Variants in CPED1 observed in about 807,000 individuals in gnomAD.
CPED1 encodes the protein cadherin-like and PC-esterase domain-containing protein 1.
Under a neutral mutation model 128.2 loss-of-function variants are expected in CPED1, and 114 were observed. The ratio of observed to expected loss-of-function variants is 0.89; its 90% CI spans 0.76 to 1.04. The LOEUF (loss-of-function observed/expected upper bound fraction) is 1.04. Among genes scored for constraint, CPED1 ranks in the 50% least tolerant of loss-of-function variants. CPED1 has a pLI of 0.00. For synonymous variants in CPED1, 462 were observed against 426.7 expected, an observed-to-expected ratio of 1.08 and a Z score of -1.02; for missense variants, 1,211 against 1,207.1, an observed-to-expected ratio of 1.00 and a Z score of -0.05.
intron 4 of CPED1, among the ~76,000 whole-genome samples, chr7:121,061,617 G>A (rs912400349): frequency 6.6e-6 from 1 of 152,108 alleles, no homozygotes; most frequent in Non-Finnish European, 1.5e-5. Context: ...ACCCAAAACA[G>A]CTATAAGAAA....
At chr7:121,022,479 C>G (rs1228712032) in intron 3 of CPED1, among the ~76,000 whole-genome samples, 3 of 151,936 alleles carry the variant, frequency 2.0e-5, no homozygotes. Context: ...TGCCAGGTTA[C>G]TTGACCTATT....
At chr7:121,260,056 A>G (rs1308339246) in intron 18 of CPED1, among the ~76,000 whole-genome samples, 1 of 151,926 alleles carries the variant, frequency 6.6e-6, no homozygotes, top group Non-Finnish European at 1.5e-5. Flanking sequence ...ATAAGGAAAG[A>G]GTGCACCTCA....
intron 3 of CPED1, among the ~76,000 whole-genome samples, chr7:121,022,403 T>C (rs1435979902): frequency 6.6e-6 from 1 of 152,018 alleles, no homozygotes; most frequent in Admixed American, 6.6e-5. Context: ...CTGGGGCTTT[T>C]GAGTACTTGT....
At chr7:121,203,925 A>C (rs1435443986) in intron 16 of CPED1, among the ~76,000 whole-genome samples, 1 of 152,072 alleles carries the variant, frequency 6.6e-6, no homozygotes, top group Non-Finnish European at 1.5e-5. Context: ...TGTCCACGCA[A>C]AGGGCCAAGA....
chr7:121,013,161 T>TAGTTCCCTCTAGAGGGA (rs1303769268), intron 2 of CPED1, among the ~76,000 whole-genome samples: 1 of 152,222 alleles, frequency 6.6e-6, no homozygotes, highest in Non-Finnish European at 1.5e-5. Flanking sequence ...TTTGGCTTTC[T>TAGTTCCCTCTAGAGGGA]ACAGGCTACT....
intron 14 of CPED1, among the ~76,000 whole-genome samples, chr7:121,138,787 C>G (rs148570489): frequency 1.3e-5 from 2 of 152,042 alleles, no homozygotes; most frequent in East Asian, 3.9e-4. Context: ...GCGACTGTTT[C>G]TATTCCCTTT....
chr7:121,272,219 C>G (rs974964269), intron 22 of CPED1, among the ~76,000 whole-genome samples: 1 of 152,076 alleles, frequency 6.6e-6, no homozygotes, highest in Non-Finnish European at 1.5e-5. Context: ...GGAGAGAAGG[C>G]AGGACACTTA....
chr7:121,255,207 C>T (rs10953933), intron 18 of CPED1, among the ~76,000 whole-genome samples: 63,083 of 151,822 alleles, frequency 0.42, 13,552 homozygotes, highest in Middle Eastern at 0.52. Flanking sequence ...AAGATTAATA[C>T]ACTACAACCA....
chr7:121,201,203 G>A (rs2116563968), intron 16 of CPED1, among the ~76,000 whole-genome samples: 2 of 152,098 alleles, frequency 1.3e-5, no homozygotes, highest in African/African-American at 4.8e-5. Flanking sequence ...CCCCAAGAAA[G>A]ACAAAGTTAT....
chr7:120,995,752 G>C (rs1324824572), intron 2 of CPED1, among the ~76,000 whole-genome samples: 1 of 151,996 alleles, frequency 6.6e-6, no homozygotes, highest in African/African-American at 2.4e-5. Context: ...CCTGTACCTT[G>C]CTCCTCACCA....
chr7:121,264,846 A>G (rs1792090802), intron 18 of CPED1, among the ~76,000 whole-genome samples: 1 of 152,094 alleles, frequency 6.6e-6, no homozygotes, highest in South Asian at 2.1e-4. Flanking sequence ...GTCACTATTT[A>G]TTTTAAAAGT....
At chr7:121,148,211 A>C (rs1019612465) in intron 16 of CPED1, among the ~76,000 whole-genome samples, 2 of 152,204 alleles carry the variant, frequency 1.3e-5, no homozygotes, top group African/African-American at 4.8e-5. Flanking sequence ...GCTATAGTGA[A>C]GTGCTCTCAA....
chr7:121,142,220 T>G, intron 16 of CPED1, 79 bp downstream of exon 16: 1 of 1,296,960 alleles, frequency 7.7e-7, no homozygotes, highest in Admixed American at 2.2e-5. Context: ...AAATGAAAAT[T>G]ATTACAAGAA....
chr7:121,159,925 T>G (rs1057188080), intron 16 of CPED1, among the ~76,000 whole-genome samples: 2 of 152,210 alleles, frequency 1.3e-5, no homozygotes, highest in Admixed American at 6.5e-5. Flanking sequence ...AGTTATGATC[T>G]AGGTTACATT....
chr7:121,031,804 A>C (rs2116860771), intron 3 of CPED1, among the ~76,000 whole-genome samples: 1 of 152,352 alleles, frequency 6.6e-6, no homozygotes, highest in African/African-American at 2.4e-5. Flanking sequence ...ATACATTTAA[A>C]ATAATTTTAT....
intron 3 of CPED1, among the ~76,000 whole-genome samples, chr7:121,030,321 C>A (rs1480102504): frequency 1.3e-5 from 2 of 152,200 alleles, no homozygotes; most frequent in Non-Finnish European, 2.9e-5. Context: ...GTATTCCTCC[C>A]TTATCCATGG....
chr7:121,198,637 T>C (rs1038508209), intron 16 of CPED1, among the ~76,000 whole-genome samples: 4 of 152,156 alleles, frequency 2.6e-5, no homozygotes, highest in African/African-American at 7.2e-5. Flanking sequence ...TACTACTCTC[T>C]GAAATTCACT....
chr7:121,068,789 A>C (rs1206212145), intron 5 of CPED1, among the ~76,000 whole-genome samples: 3 of 151,754 alleles, frequency 2.0e-5, no homozygotes, highest in Non-Finnish European at 2.9e-5. Flanking sequence ...CTTTTATTTT[A>C]TTGAGCAGTG....
chr7:121,007,332 TCAGAAA>T (rs1379393728), intron 2 of CPED1, among the ~76,000 whole-genome samples: 1 of 151,832 alleles, frequency 6.6e-6, no homozygotes, highest in Non-Finnish European at 1.5e-5. Context: ...TACACCTTTT[TCAGAAA>T]GGCACCGTAT....
Sources: gnomAD v4.1 joint callset for allele counts (sites outside exome capture counted in the v4.1 genomes callset) on GRCh38, gnomAD v4.1.1 for gene constraint, MANE v1.5 for transcripts, NCBI Gene and HGNC (gene_info 2026-07-23, HGNC 2026-07-21) for gene names.